The following ADCY5 variants were observed in gnomAD, a reference collection of about 807,000 sequenced individuals.
ADCY5 encodes adenylate cyclase type 5.
In ADCY5, 30 loss-of-function variants were observed where a neutral mutation model predicts 119.7. The ratio of observed to expected loss-of-function variants is 0.25; its 90% confidence interval spans 0.19 to 0.34. The LOEUF (loss-of-function observed/expected upper bound fraction) is 0.34, where lower values mean the gene tolerates loss of function less well. Ranked by LOEUF, ADCY5 falls within the 10% of genes least tolerant of loss-of-function variation. ADCY5 has a pLI of 1.00. For synonymous variants in ADCY5, 753 were observed against 762.2 expected, an observed-to-expected ratio of 0.99 and a Z score of 0.20; for missense variants, 1,324 against 1,775.2, an observed-to-expected ratio of 0.75 and a Z score of 4.57.
chr3:123,414,050 C>T (rs1945127712), intron 1 of ADCY5, among the ~76,000 whole-genome samples: 1 of 152,178 alleles, frequency 6.6e-6, no homozygotes, highest in African/African-American at 2.4e-5. Flanking sequence ...GGGAGAGAGA[C>T]TGAGAAGGTG....
chr3:123,288,606 C>T (rs1938936832), intron 19 of ADCY5, among the ~76,000 whole-genome samples: 1 of 152,166 alleles, frequency 6.6e-6, no homozygotes, highest in African/African-American at 2.4e-5. Flanking sequence ...TCAGAGCTGG[C>T]ATTCCACAGT....
In ADCY5 at chr3:123,448,939, G is replaced by C. The variant is rs1315402421; in HGVS notation, c.-394C>G. 1.1e-5 allele frequency: 2 copies of C among 175,818 alleles called. No individual in the cohort carries two copies. The highest frequency in any genetic ancestry group is 1.5e-4 in the East Asian group (1 of 6,892). The allele number at this position is 175,818 out of a possible 1,614,324, so 10.9% of individuals were successfully genotyped here. A position where few individuals can be genotyped will look rare whatever the true frequency, so the allele number is the denominator to read the frequency against. On this transcript the variant is annotated 5_prime_UTR_variant, in exon 1 of 21. Coordinates refer to ENST00000462833, the MANE Select transcript of ADCY5 (RefSeq NM_183357.3). Reference sequence around the variant, plus strand: ...GTGTCCTTGCGGGCGGTGCCTCCTCGGGCCGGCAGTGCCCGGGCGCGGCGC... The same window carrying C: ...GTGTCCTTGCGGGCGGTGCCTCCTCCGGCCGGCAGTGCCCGGGCGCGGCGC...
At chr3:123,396,773 GGAA>G (rs1944593572) in intron 1 of ADCY5, among the ~76,000 whole-genome samples, 1 of 97,874 alleles carries the variant, frequency 1.0e-5, no homozygotes, top group African/African-American at 3.9e-5. Flanking sequence ...AAGGAAGGAA[GGAA>G]GGAAGGCAGG....
chr3:123,403,954 C>T (rs1006764063), intron 1 of ADCY5, among the ~76,000 whole-genome samples: 11 of 152,214 alleles, frequency 7.2e-5, no homozygotes, highest in African/African-American at 2.7e-4. Context: ...TCCTTACATG[C>T]TATTCTGACT....
At chr3:123,446,641 G>A (rs1945820180) in intron 1 of ADCY5, among the ~76,000 whole-genome samples, 2 of 152,194 alleles carry the variant, frequency 1.3e-5, no homozygotes, top group Admixed American at 1.3e-4. Context: ...TCCTGAACCT[G>A]CAGTTCTAGA....
intron 1 of ADCY5, among the ~76,000 whole-genome samples, chr3:123,438,483 C>T (rs527710239): frequency 2.0e-4 from 31 of 152,220 alleles, no homozygotes; most frequent in African/African-American, 6.7e-4. Context: ...ACTTTTAAAC[C>T]GTGCACCATT....
At chr3:123,375,319 C>T (rs571580541) in intron 1 of ADCY5, among the ~76,000 whole-genome samples, 1 of 152,332 alleles carries the variant, frequency 6.6e-6, no homozygotes, top group African/African-American at 2.4e-5. Context: ...TCTCATTTTT[C>T]CTCAGTGGAC....
At chr3:123,381,086 T>A (rs894200204) in intron 1 of ADCY5, among the ~76,000 whole-genome samples, 5 of 152,232 alleles carry the variant, frequency 3.3e-5, no homozygotes, top group African/African-American at 9.7e-5. Context: ...TGAAGTAGTA[T>A]AGGCAATAAT....
intron 1 of ADCY5, among the ~76,000 whole-genome samples, chr3:123,412,711 C>T (rs1332159796): frequency 2.0e-5 from 3 of 152,036 alleles, no homozygotes; most frequent in African/African-American, 7.3e-5. Context: ...TCCCCCATCC[C>T]TCATTTCCTA....
chr3:123,374,834 C>T (rs1293536921), intron 1 of ADCY5, among the ~76,000 whole-genome samples: 1 of 152,206 alleles, frequency 6.6e-6, no homozygotes, highest in Non-Finnish European at 1.5e-5. Context: ...GGGACTGACC[C>T]ACCCAAGCCT....
chr3:123,422,098 AC>A (rs1945314265), intron 1 of ADCY5, among the ~76,000 whole-genome samples: 1 of 152,180 alleles, frequency 6.6e-6, no homozygotes, highest in African/African-American at 2.4e-5. Flanking sequence ...GAAGCAAAAA[AC>A]TGTGCAGGCA....
Position 123,331,099 on chromosome 3 carries a change from C to T in ADCY5, c.1519-83G>A. The stretch of plus-strand genomic sequence containing the variant: ...AAGAAACGAGAAGCAAAAAGATTCA[C>T]CCCGTGCCTGGAATAACTTGCCTTT... On this transcript the variant is annotated intron_variant, in intron 4 of 20. Transcript: ENST00000462833. 2.1e-6 allele frequency: 3 copies of T among 1,457,706 alleles called. 1 individual carries two copies. The highest frequency in any genetic ancestry group is 2.8e-6 in the Non-Finnish European group (3 of 1,069,088). The allele number at this position is 1,457,706 out of a possible 1,614,324, so 90.3% of individuals were successfully genotyped here.
chr3:123,443,326 C>T (rs562618120), intron 1 of ADCY5, among the ~76,000 whole-genome samples: 10 of 152,212 alleles, frequency 6.6e-5, no homozygotes, highest in African/African-American at 1.7e-4. Flanking sequence ...ACCAGAAAAG[C>T]AAACGGCCAG....
At chr3:123,342,346 G>T (rs1157319253) in intron 3 of ADCY5, among the ~76,000 whole-genome samples, 1 of 152,204 alleles carries the variant, frequency 6.6e-6, no homozygotes, top group Non-Finnish European at 1.5e-5. Context: ...GTCCTTGAAG[G>T]AGACAGGAGA....
chr3:123,348,507 C>T (rs1942681884), intron 2 of ADCY5, among the ~76,000 whole-genome samples: 1 of 152,160 alleles, frequency 6.6e-6, no homozygotes. Context: ...ACCTGATCTC[C>T]ACTGGAGTAG....
intron 1 of ADCY5, among the ~76,000 whole-genome samples, chr3:123,370,901 C>A (rs1048811114): frequency 6.6e-6 from 1 of 152,018 alleles, no homozygotes; most frequent in East Asian, 1.9e-4. Context: ...ACACAGGGCA[C>A]ACAAAGCCAA....
At chr3:123,321,338 G>A (rs1048002599) in intron 8 of ADCY5, among the ~76,000 whole-genome samples, 13 of 152,146 alleles carry the variant, frequency 8.5e-5, no homozygotes, top group South Asian at 6.2e-4. Context: ...GTAAGGCCAC[G>A]GTTGTTTGGG....
At chr3:123,331,432 A>C (rs1055837129) in intron 4 of ADCY5, among the ~76,000 whole-genome samples, 2 of 152,250 alleles carry the variant, frequency 1.3e-5, no homozygotes, top group Non-Finnish European at 2.9e-5. Flanking sequence ...TCGTTGCTTG[A>C]GATTCTATCA....
At chr3:123,444,994 A>C (rs1945787534) in intron 1 of ADCY5, among the ~76,000 whole-genome samples, 1 of 152,246 alleles carries the variant, frequency 6.6e-6, no homozygotes, top group African/African-American at 2.4e-5. Flanking sequence ...CAAGAAAGAC[A>C]AATTTTATAT....
Sources: gnomAD v4.1 joint callset for allele counts (sites outside exome capture counted in the v4.1 genomes callset) on GRCh38, gnomAD v4.1.1 for gene constraint, MANE v1.5 for transcripts, NCBI Gene and HGNC (gene_info 2026-07-23, HGNC 2026-07-21) for gene names.